The following TRPM3 variants were observed in gnomAD, a reference collection of about 807,000 sequenced individuals.
The protein encoded by TRPM3 is transient receptor potential cation channel subfamily M member 3.
Under a neutral mutation model 181.2 loss-of-function variants are expected in TRPM3, and 77 were observed. The ratio of observed to expected loss-of-function variants is 0.42; its 90% CI spans 0.35 to 0.51. TRPM3 has a LOEUF of 0.51. TRPM3 is among the 20% of genes least tolerant of loss of function. The pLI is 0.01. For synonymous variants in TRPM3, 745 were observed against 796.4 expected (o/e 0.94, Z 1.09); for missense variants, 1,759 against 2,196.7 (o/e 0.80, Z 3.98).
intron 1 of TRPM3, among the ~76,000 whole-genome samples, chr9:71,127,762 G>A (rs2074134063): frequency 1.3e-5 from 2 of 152,166 alleles, no homozygotes; most frequent in South Asian, 4.1e-4. Context: ...AAGCGCACAG[G>A]CCATAGACCG....
At chr9:70,989,228 A>G (rs2134104331) in intron 1 of TRPM3, among the ~76,000 whole-genome samples, 1 of 152,336 alleles carries the variant, frequency 6.6e-6, no homozygotes, top group South Asian at 2.1e-4. Context: ...TGTCTTTTTC[A>G]CAAACACCTA....
At chr9:70,943,069 G>C (rs999683794) in intron 1 of TRPM3, among the ~76,000 whole-genome samples, 3 of 151,924 alleles carry the variant, frequency 2.0e-5, no homozygotes, top group Non-Finnish European at 4.4e-5. Flanking sequence ...CTTAATAACT[G>C]TGGCAGTTTG....
intron 1 of TRPM3, among the ~76,000 whole-genome samples, chr9:70,932,100 C>A (rs557267737): frequency 1.1e-3 from 160 of 152,180 alleles, no homozygotes; most frequent in Middle Eastern, 6.8e-3. Context: ...GAGGATTTGG[C>A]AAGAAAACCA....
chr9:71,165,171 G>A (rs559548047), intron 1 of TRPM3, among the ~76,000 whole-genome samples: 1 of 152,070 alleles, frequency 6.6e-6, no homozygotes, highest in South Asian at 2.1e-4. Context: ...TAAACCCGTG[G>A]GCAAGTTACT....
intron 1 of TRPM3, among the ~76,000 whole-genome samples, chr9:71,330,505 A>G (rs1442044545): frequency 1.3e-5 from 2 of 151,810 alleles, no homozygotes; most frequent in Non-Finnish European, 2.9e-5. Context: ...AATGATCACA[A>G]TATCCCTGAA....
chr9:71,354,643 C>T (rs557633866), intron 1 of TRPM3, among the ~76,000 whole-genome samples: 1 of 152,214 alleles, frequency 6.6e-6, no homozygotes, highest in Non-Finnish European at 1.5e-5. Context: ...TTTGTAATCA[C>T]ATGATGTTCC....
At chr9:71,062,838 T>A (rs188066756) in intron 1 of TRPM3, among the ~76,000 whole-genome samples, 5 of 152,100 alleles carry the variant, frequency 3.3e-5, no homozygotes, top group Admixed American at 3.3e-4. Context: ...TTCCGCCTTC[T>A]ACCACAGATA....
At chr9:71,080,070 T>A (rs1219214158) in intron 1 of TRPM3, among the ~76,000 whole-genome samples, 1 of 151,926 alleles carries the variant, frequency 6.6e-6, no homozygotes, top group Non-Finnish European at 1.5e-5. Flanking sequence ...CTTGAGAGGC[T>A]GAGGCAGGAG....
intron 1 of TRPM3, among the ~76,000 whole-genome samples, chr9:71,108,304 T>A (rs1291294676): frequency 6.6e-6 from 1 of 152,200 alleles, no homozygotes; most frequent in African/African-American, 2.4e-5. Flanking sequence ...GCCTTCTAGG[T>A]CTGGGTAGAT....
intron 1 of TRPM3, among the ~76,000 whole-genome samples, chr9:71,147,495 G>A (rs929131102): frequency 1.1e-4 from 17 of 150,082 alleles, no homozygotes; most frequent in African/African-American, 3.9e-4. Flanking sequence ...GCTAAGAAAA[G>A]GTTAATGGAA....
At chr9:71,224,825 G>A (rs1448087816) in intron 1 of TRPM3, among the ~76,000 whole-genome samples, 1 of 152,032 alleles carries the variant, frequency 6.6e-6, no homozygotes, top group Non-Finnish European at 1.5e-5. Flanking sequence ...CTGGCATACT[G>A]AAGAATGCAT....
At chr9:71,426,766 G>A (rs1321045268) in intron 1 of TRPM3, among the ~76,000 whole-genome samples, 2 of 151,736 alleles carry the variant, frequency 1.3e-5, no homozygotes, top group African/African-American at 4.8e-5. Context: ...TAGGATCTAA[G>A]AACACTGATT....
intron 1 of TRPM3, among the ~76,000 whole-genome samples, chr9:70,920,324 T>G (rs954500385): frequency 6.6e-6 from 1 of 152,220 alleles, no homozygotes; most frequent in Non-Finnish European, 1.5e-5. Context: ...AAATTTTGTT[T>G]CATTGCTTAG....
chr9:71,182,057 T>G (rs191316724), intron 1 of TRPM3, among the ~76,000 whole-genome samples: 2 of 152,142 alleles, frequency 1.3e-5, no homozygotes, highest in African/African-American at 4.8e-5. Context: ...CCATACTCTC[T>G]TTTGCACATA....
At chr9:71,038,168 T>C (rs1010741756) in intron 1 of TRPM3, among the ~76,000 whole-genome samples, 1 of 152,164 alleles carries the variant, frequency 6.6e-6, no homozygotes, top group Admixed American at 6.5e-5. Flanking sequence ...CTTTAGAGAG[T>C]TGGAGAATAA....
chr9:71,244,288 G>A (rs539755861), intron 1 of TRPM3, among the ~76,000 whole-genome samples: 21 of 152,206 alleles, frequency 1.4e-4, no homozygotes, highest in Non-Finnish European at 2.5e-4. Flanking sequence ...GCATGGGGTC[G>A]GGAGCTGGGG....
At chr9:71,446,933 G>A (rs2094211506), upstream of TRPM3, 5 of 1,255,964 alleles carry the variant, frequency 4.0e-6, no homozygotes, top group South Asian at 6.8e-5. Context: ...GCGGCTCTCG[G>A]TTGGCGCTGC....
At chr9:70,943,446 C>T (rs1031981163) in intron 1 of TRPM3, among the ~76,000 whole-genome samples, 1 of 152,192 alleles carries the variant, frequency 6.6e-6, no homozygotes, top group African/African-American at 2.4e-5. Flanking sequence ...CTTTTAAACT[C>T]TCCATCCAAT....
intron 1 of TRPM3, among the ~76,000 whole-genome samples, chr9:70,882,578 T>C (rs1447291030): frequency 6.6e-6 from 1 of 152,114 alleles, no homozygotes; most frequent in Non-Finnish European, 1.5e-5. Flanking sequence ...AACTTCACAC[T>C]TAGCAAGAAA....
Sources: gnomAD v4.1 joint callset for allele counts (sites outside exome capture counted in the v4.1 genomes callset) on GRCh38, gnomAD v4.1.1 for gene constraint, MANE v1.5 for transcripts, NCBI Gene and HGNC (gene_info 2026-07-23, HGNC 2026-07-21) for gene names.